SYT14: variants seen among roughly 807,000 people sequenced by gnomAD.
The protein encoded by SYT14 is synaptotagmin 14.
SYT14 carries 32 observed loss-of-function variants against 74.2 expected under a neutral mutation model. The ratio of observed to expected loss-of-function variants is 0.43; its 90% CI spans 0.33 to 0.58. The LOEUF (loss-of-function observed/expected upper bound fraction) is 0.58. SYT14 is among the 20% of genes least tolerant of loss of function. SYT14 has a pLI of 0.05. For synonymous variants in SYT14, 298 were observed against 337.7 expected (o/e 0.88, Z 1.29); for missense variants, 791 against 981.8 (o/e 0.81, Z 2.60).
intron 5 of SYT14, among the ~76,000 whole-genome samples, chr1:210,091,723 T>G (rs1160943006): frequency 6.6e-6 from 1 of 152,144 alleles, no homozygotes; most frequent in African/African-American, 2.4e-5. Flanking sequence ...TCCTACATTG[T>G]TTAGGCATCT....
intron 2 of SYT14, among the ~76,000 whole-genome samples, chr1:209,971,675 G>A (rs1283890315): frequency 6.6e-6 from 1 of 152,012 alleles, no homozygotes; most frequent in Non-Finnish European, 1.5e-5. Flanking sequence ...CAGTTTATGC[G>A]GTGAATCACA....
At position 210,134,142 on chromosome 1, in the gene SYT14, AC is replaced by A. The variant is rs1159278178; in HGVS notation, c.2035-21576del. Among the ~76,000 whole-genome samples the A allele has an allele frequency of 6.6e-5, 10 of 152,056 alleles. No individual in the cohort carries two copies. In the East Asian group the frequency reaches 1.9e-3, roughly 29 times the overall value. ...GCTGGAGACAAGGTCTTGCTCTGTC[AC>A]CCAGGCTGGAAGGCAGTGGTGCAAT... is the stretch of plus-strand genomic sequence containing the variant. On this transcript the variant is annotated intron_variant, in intron 7 of 9. Transcript: ENST00000637265.
At chr1:210,142,591 G>A (rs1452799543) in intron 7 of SYT14, among the ~76,000 whole-genome samples, 4 of 152,160 alleles carry the variant, frequency 2.6e-5, no homozygotes, top group African/African-American at 9.7e-5. Flanking sequence ...AGTGTGATGA[G>A]CTGATCCAAA....
chr1:210,044,804 C>T (rs531018574), intron 5 of SYT14, among the ~76,000 whole-genome samples: 38 of 152,254 alleles, frequency 2.5e-4, no homozygotes, highest in African/African-American at 4.8e-4. Context: ...AACATCTGCT[C>T]GGCTTCTGCT....
intron 2 of SYT14, among the ~76,000 whole-genome samples, chr1:209,962,963 G>C: frequency 6.6e-6 from 1 of 152,110 alleles, no homozygotes; most frequent in East Asian, 1.9e-4. Context: ...GGTGTTTACA[G>C]AATGATGTCT....
intron 5 of SYT14, among the ~76,000 whole-genome samples, chr1:210,039,173 C>A (rs938902960): frequency 6.6e-6 from 1 of 151,828 alleles, no homozygotes; most frequent in African/African-American, 2.4e-5. Context: ...GAGATTCTTT[C>A]TTCTGCTTGG....
chr1:210,065,056 C>T (rs550352203), intron 5 of SYT14, among the ~76,000 whole-genome samples: 1 of 152,156 alleles, frequency 6.6e-6, no homozygotes, highest in Non-Finnish European at 1.5e-5. Flanking sequence ...TGCTTACTAG[C>T]CACTTGTCTA....
rs1039480461 is a variant in SYT14, at chr1:210,024,480, G to A, written c.1312+3226G>A. On this transcript the variant is annotated intron_variant, in intron 5 of 9. Coordinates refer to ENST00000637265, the Ensembl canonical transcript of SYT14. ...GACTGATTTCCTCATGTATGATGAG[G>A]AGAATGATGATGTCATTAATATAAA... Among the ~76,000 whole-genome samples the A allele has an allele frequency of 3.9e-5, 6 of 152,134 alleles. No homozygotes were observed. In the South Asian group the frequency reaches 6.2e-4, roughly 16 times the overall value.
chr1:209,966,696 C>T (rs1411292079), intron 2 of SYT14, among the ~76,000 whole-genome samples: 1 of 152,290 alleles, frequency 6.6e-6, no homozygotes, highest in East Asian at 1.9e-4. Flanking sequence ...TGCAACCTTG[C>T]TAAATGCACT....
chr1:210,146,360 C>T (rs1362512157), intron 7 of SYT14, among the ~76,000 whole-genome samples: 1 of 151,978 alleles, frequency 6.6e-6, no homozygotes, highest in Non-Finnish European at 1.5e-5. Context: ...AGTATATGGC[C>T]TATTTATTAT....
chr1:210,165,652 A>T (rs1040443922), exon 10 of SYT14: 1 of 152,094 alleles, frequency 6.6e-6, no homozygotes, highest in African/African-American at 2.4e-5. Context: ...TTTATGTTTT[A>T]TTCTCAATTT....
At chr1:210,054,878 A>AG (rs2081067365) in intron 5 of SYT14, among the ~76,000 whole-genome samples, 1 of 152,134 alleles carries the variant, frequency 6.6e-6, no homozygotes, top group Admixed American at 6.5e-5. Flanking sequence ...CTGTTTTCAG[A>AG]GGGGGAGTGC....
chr1:209,945,817 CA>C (rs1240297900), intron 1 of SYT14, among the ~76,000 whole-genome samples: 2 of 152,190 alleles, frequency 1.3e-5, no homozygotes, highest in Non-Finnish European at 1.5e-5. Context: ...TGTGTACAGG[CA>C]TACCTCCTTG....
intron 2 of SYT14, among the ~76,000 whole-genome samples, chr1:209,988,813 T>TGG (rs1558113484): frequency 6.6e-6 from 1 of 152,220 alleles, no homozygotes; most frequent in African/African-American, 2.4e-5. Flanking sequence ...TCCCAGCCTC[T>TGG]GATTGTTTCC....
chr1:210,082,973 T>C (rs942333541), intron 5 of SYT14, among the ~76,000 whole-genome samples: 10 of 152,000 alleles, frequency 6.6e-5, no homozygotes, highest in African/African-American at 2.4e-4. Flanking sequence ...AGTAATGGGT[T>C]ATTTCTTTTT....
intron 8 of SYT14, among the ~76,000 whole-genome samples, chr1:210,158,295 G>A (rs1343037385): frequency 6.6e-6 from 1 of 152,144 alleles, no homozygotes; most frequent in African/African-American, 2.4e-5. Context: ...AAGTTGGGGA[G>A]ATGGTGAGGC....
At chr1:210,073,410 A>G (rs552613524) in intron 5 of SYT14, among the ~76,000 whole-genome samples, 8 of 152,108 alleles carry the variant, frequency 5.3e-5, no homozygotes, top group African/African-American at 1.9e-4. Context: ...TCAACCATCT[A>G]TTTTTGAAGT....
chr1:209,986,457 A>T (rs1340915113), intron 2 of SYT14, among the ~76,000 whole-genome samples: 1 of 151,916 alleles, frequency 6.6e-6, no homozygotes, highest in Non-Finnish European at 1.5e-5. Context: ...TAATAATTTA[A>T]AAAAAATTAG....
chr1:210,029,829 T>G (rs1262819711), intron 5 of SYT14, among the ~76,000 whole-genome samples: 1 of 152,192 alleles, frequency 6.6e-6, no homozygotes, highest in East Asian at 1.9e-4. Flanking sequence ...TGTAAATCAC[T>G]TTTGGTATTA....
Sources: gnomAD v4.1 joint callset for allele counts (sites outside exome capture counted in the v4.1 genomes callset) on GRCh38, gnomAD v4.1.1 for gene constraint, MANE v1.5 for transcripts, NCBI Gene and HGNC (gene_info 2026-07-23, HGNC 2026-07-21) for gene names.